The following SCHIP1 variants were observed in gnomAD, a reference collection of about 807,000 sequenced individuals.
The protein encoded by SCHIP1 is schwannomin interacting protein 1.
SCHIP1 carries 8 observed loss-of-function variants against 29.7 expected under a neutral mutation model. The ratio of observed to expected loss-of-function variants is 0.27; its 90% CI spans 0.16 to 0.49. The LOEUF (loss-of-function observed/expected upper bound fraction) is 0.49. Ranked by LOEUF, SCHIP1 falls within the 20% of genes least tolerant of loss-of-function variation. SCHIP1 has a pLI of 0.99. For synonymous variants in SCHIP1, 76 were observed against 94.9 expected, an observed-to-expected ratio of 0.80 and a Z score of 1.16; for missense variants, 193 against 294.6, an observed-to-expected ratio of 0.66 and a Z score of 2.52.
At chr3:159,375,308 G>GGT in the SCHIP1 span, among the ~76,000 whole-genome samples, 1 of 152,218 alleles carries the variant, frequency 6.6e-6, no homozygotes, top group South Asian at 2.1e-4. Context: ...TGGAGTGAGA[G>GGT]GTGATGCCTG....
At chr3:159,438,958 CATGT>C in the SCHIP1 span, among the ~76,000 whole-genome samples, 1 of 152,246 alleles carries the variant, frequency 6.6e-6, no homozygotes, top group South Asian at 2.1e-4. Flanking sequence ...CACATGCATG[CATGT>C]ATTTTTATAA....
the SCHIP1 span, among the ~76,000 whole-genome samples, chr3:159,534,532 A>G: frequency 0.044 from 6,685 of 152,184 alleles, 211 homozygotes; most frequent in South Asian, 0.08. Flanking sequence ...CATCTTCAGT[A>G]TGTGCTTCTC....
At chr3:159,299,338 C>A in the SCHIP1 span, among the ~76,000 whole-genome samples, 20 of 152,248 alleles carry the variant, frequency 1.3e-4, no homozygotes, top group South Asian at 4.1e-3. Flanking sequence ...TATCCTCTTA[C>A]TCATGTGAAT....
chr3:159,364,004 TTCTC>T, the SCHIP1 span, among the ~76,000 whole-genome samples: 1 of 152,206 alleles, frequency 6.6e-6, no homozygotes. Context: ...ATAGCAAACT[TTCTC>T]TTTCTTTTTC....
intron 1 of SCHIP1, among the ~76,000 whole-genome samples, chr3:159,865,787 A>G (rs1445506976): frequency 6.6e-6 from 1 of 152,218 alleles, no homozygotes; most frequent in African/African-American, 2.4e-5. Flanking sequence ...AAGATCAGGG[A>G]AAGGGCACAT....
the SCHIP1 span, among the ~76,000 whole-genome samples, chr3:159,321,587 T>G: frequency 6.6e-6 from 1 of 152,086 alleles, no homozygotes. Flanking sequence ...TATTATACTT[T>G]AAGTTTTAGG....
the SCHIP1 span, among the ~76,000 whole-genome samples, chr3:159,450,563 T>C: frequency 1.3e-5 from 2 of 152,168 alleles, no homozygotes; most frequent in South Asian, 2.1e-4. Context: ...ATTTATATAG[T>C]GGTGAAACAG....
chr3:159,305,517 T>C, the SCHIP1 span, among the ~76,000 whole-genome samples: 1 of 152,200 alleles, frequency 6.6e-6, no homozygotes, highest in African/African-American at 2.4e-5. Context: ...TCCTTTTACT[T>C]TCCACTGATA....
the SCHIP1 span, among the ~76,000 whole-genome samples, chr3:159,300,112 G>GC: frequency 1.0e-4 from 5 of 47,636 alleles, no homozygotes; most frequent in South Asian, 2.3e-3. Flanking sequence ...AGGGAAAGCT[G>GC]CTTTTTTTTT....
chr3:159,407,061 A>C, the SCHIP1 span, among the ~76,000 whole-genome samples: 1 of 152,200 alleles, frequency 6.6e-6, no homozygotes, highest in Non-Finnish European at 1.5e-5. Flanking sequence ...TTGAATATAA[A>C]TTCATGAAAC....
chr3:159,743,826 G>A, the SCHIP1 span, among the ~76,000 whole-genome samples: 1 of 152,038 alleles, frequency 6.6e-6, no homozygotes, highest in African/African-American at 2.4e-5. Flanking sequence ...TAGGAAAATG[G>A]GTAAAGGGCA....
chr3:159,621,968 G>A, the SCHIP1 span, among the ~76,000 whole-genome samples: 39 of 152,232 alleles, frequency 2.6e-4, no homozygotes, highest in African/African-American at 8.7e-4. Flanking sequence ...GCTCAGCCCT[G>A]CATGTATGTT....
chr3:159,347,464 A>G, the SCHIP1 span, among the ~76,000 whole-genome samples: 1 of 152,204 alleles, frequency 6.6e-6, no homozygotes, highest in Non-Finnish European at 1.5e-5. Context: ...ATACCTGTCT[A>G]CCACACTAGT....
At chr3:159,851,181 T>C (rs1459602952) in intron 1 of SCHIP1, among the ~76,000 whole-genome samples, 3 of 152,164 alleles carry the variant, frequency 2.0e-5, no homozygotes, top group Non-Finnish European at 4.4e-5. Context: ...GTCCCAGCTA[T>C]TCAGAAAGCT....
At chr3:159,868,191 G>A (rs1469984911) in intron 2 of SCHIP1, among the ~76,000 whole-genome samples, 8 of 151,088 alleles carry the variant, frequency 5.3e-5, no homozygotes, top group African/African-American at 1.9e-4. Context: ...ATATATATAT[G>A]TGTCTTTGTG....
At chr3:159,738,651 C>T in the SCHIP1 span, among the ~76,000 whole-genome samples, 4 of 152,124 alleles carry the variant, frequency 2.6e-5, no homozygotes, top group East Asian at 5.8e-4. Flanking sequence ...TATCCCCAGG[C>T]AATGGGGGTA....
chr3:159,407,193 A>C, the SCHIP1 span, among the ~76,000 whole-genome samples: 1 of 152,196 alleles, frequency 6.6e-6, no homozygotes, highest in Non-Finnish European at 1.5e-5. Flanking sequence ...ATAATGAAAA[A>C]ATATGTTCTA....
the SCHIP1 span, among the ~76,000 whole-genome samples, chr3:159,417,829 G>C: frequency 6.6e-6 from 1 of 152,190 alleles, no homozygotes; most frequent in Non-Finnish European, 1.5e-5. Flanking sequence ...CTGCTCTCTT[G>C]AACCTCTACT....
chr3:159,380,556 G>A, the SCHIP1 span, among the ~76,000 whole-genome samples: 2 of 152,036 alleles, frequency 1.3e-5, no homozygotes, highest in South Asian at 4.2e-4. Context: ...AAACATTAAT[G>A]GTAATATTAA....
Sources: allele counts gnomAD v4.1 joint callset (sites outside exome capture counted in the v4.1 genomes callset), GRCh38; gene constraint gnomAD v4.1.1; transcripts MANE v1.5; gene names NCBI Gene and HGNC (gene_info 2026-07-23, HGNC 2026-07-21).